The following ZNF385D variants were observed in gnomAD, a reference collection of about 807,000 sequenced individuals.
The protein encoded by ZNF385D is zinc finger protein 385D.
ZNF385D carries 15 observed loss-of-function variants against 35.8 expected under a neutral mutation model. The ratio of observed to expected loss-of-function variants is 0.42; its 90% CI spans 0.28 to 0.64. ZNF385D has a LOEUF of 0.64. Among genes scored for constraint, ZNF385D ranks in the 30% least tolerant of loss-of-function variants. The pLI, the probability that ZNF385D is intolerant of heterozygous loss-of-function variation, is 0.23. For synonymous variants in ZNF385D, 212 were observed against 186.8 expected (o/e 1.13, Z -1.10); for missense variants, 474 against 494.6 (o/e 0.96, Z 0.39).
intron 3 of ZNF385D, among the ~76,000 whole-genome samples, chr3:21,846,962 G>C (rs1276140387): frequency 6.6e-6 from 1 of 151,988 alleles, no homozygotes; most frequent in Non-Finnish European, 1.5e-5. Context: ...GGCATAAAAA[G>C]GTCATGTAAC....
intron 2 of ZNF385D, among the ~76,000 whole-genome samples, chr3:22,251,315 A>G (rs140119917): frequency 9.1e-4 from 139 of 152,264 alleles, no homozygotes; most frequent in African/African-American, 3.2e-3. Context: ...TTTAAGTTCT[A>G]TAAGAGGCGT....
intron 3 of ZNF385D, among the ~76,000 whole-genome samples, chr3:21,521,516 G>T (rs1278529757): frequency 3.3e-5 from 5 of 152,164 alleles, no homozygotes; most frequent in Admixed American, 3.3e-4. Context: ...ACTTTGGGAG[G>T]CCACAGTGGT....
intron 3 of ZNF385D, among the ~76,000 whole-genome samples, chr3:21,923,082 A>G (rs12489286): frequency 0.53 from 81,179 of 151,930 alleles, 23,768 homozygotes; most frequent in South Asian, 0.66. Flanking sequence ...TGTGCACAAC[A>G]TGCAGGTTTG....
At chr3:22,016,863 C>T (rs950194263) in intron 3 of ZNF385D, among the ~76,000 whole-genome samples, 2 of 151,834 alleles carry the variant, frequency 1.3e-5, no homozygotes, top group Non-Finnish European at 2.9e-5. Flanking sequence ...AATTGTAAAA[C>T]GCTAAGATCT....
intron 3 of ZNF385D, among the ~76,000 whole-genome samples, chr3:21,871,609 CTTCTA>C (rs1022531770): frequency 2.0e-5 from 3 of 152,148 alleles, no homozygotes; most frequent in Non-Finnish European, 2.9e-5. Flanking sequence ...ATGGTTACAC[CTTCTA>C]TTCTATCTAT....
At chr3:22,138,754 T>C (rs1476615795) in intron 3 of ZNF385D, among the ~76,000 whole-genome samples, 3 of 152,036 alleles carry the variant, frequency 2.0e-5, no homozygotes, top group Non-Finnish European at 2.9e-5. Flanking sequence ...GACATAGGCA[T>C]GGGCAAGGAC....
At chr3:22,332,471 G>A (rs1262197342) in intron 2 of ZNF385D, among the ~76,000 whole-genome samples, 3 of 152,098 alleles carry the variant, frequency 2.0e-5, no homozygotes, top group African/African-American at 4.8e-5. Context: ...AAGAAGGCAT[G>A]GTGGTTATGA....
At chr3:22,001,441 T>C (rs1294481585) in intron 3 of ZNF385D, among the ~76,000 whole-genome samples, 2 of 152,064 alleles carry the variant, frequency 1.3e-5, no homozygotes, top group African/African-American at 4.8e-5. Flanking sequence ...GATATAACAA[T>C]TGTAAATATG....
intron 1 of ZNF385D, among the ~76,000 whole-genome samples, chr3:21,703,839 G>A (rs550995442): frequency 6.6e-6 from 1 of 152,182 alleles, no homozygotes; most frequent in African/African-American, 2.4e-5. Context: ...CCTAGCAATA[G>A]CTGCTACTCC....
chr3:21,791,044 T>C (rs550505670), intron 3 of ZNF385D, among the ~76,000 whole-genome samples: 3 of 152,340 alleles, frequency 2.0e-5, no homozygotes, highest in African/African-American at 7.2e-5. Context: ...CATTTCAGAA[T>C]AACAAGCAAC....
chr3:22,079,090 G>T (rs1295410309), intron 3 of ZNF385D, among the ~76,000 whole-genome samples: 1 of 152,026 alleles, frequency 6.6e-6, no homozygotes, highest in Admixed American at 6.6e-5. Flanking sequence ...AATGTGAACA[G>T]AAGTGTGGAT....
At chr3:22,186,069 A>G (rs1016120626) in intron 2 of ZNF385D, among the ~76,000 whole-genome samples, 1 of 152,020 alleles carries the variant, frequency 6.6e-6, no homozygotes, top group Non-Finnish European at 1.5e-5. Context: ...ACACTCACAC[A>G]CTCTTAAATA....
At chr3:22,357,888 T>C (rs1696229182) in intron 2 of ZNF385D, among the ~76,000 whole-genome samples, 1 of 151,910 alleles carries the variant, frequency 6.6e-6, no homozygotes, top group African/African-American at 2.4e-5. Flanking sequence ...TTGCAATTCT[T>C]CCAGGTGATC....
chr3:22,134,857 T>G (rs1250797544), intron 3 of ZNF385D, among the ~76,000 whole-genome samples: 1 of 152,150 alleles, frequency 6.6e-6, no homozygotes, highest in Non-Finnish European at 1.5e-5. Context: ...TACCCACTCT[T>G]GGCCATAATC....
intron 2 of ZNF385D, among the ~76,000 whole-genome samples, chr3:22,253,721 G>A (rs1700173942): frequency 1.3e-5 from 2 of 151,730 alleles, no homozygotes; most frequent in African/African-American, 4.8e-5. Flanking sequence ...GATTAGATAA[G>A]AATAACTTAG....
chr3:22,353,320 C>T (rs1443315710), intron 2 of ZNF385D, among the ~76,000 whole-genome samples: 2 of 152,194 alleles, frequency 1.3e-5, no homozygotes, highest in African/African-American at 4.8e-5. Context: ...TTGAATTCCA[C>T]CATGTCTCCT....
At chr3:22,071,932 A>C (rs943917621) in intron 3 of ZNF385D, among the ~76,000 whole-genome samples, 2 of 152,094 alleles carry the variant, frequency 1.3e-5, no homozygotes, top group Non-Finnish European at 2.9e-5. Flanking sequence ...ATGGTCTTGC[A>C]AGGTCTGGTA....
chr3:22,107,801 G>A (rs569785701), intron 3 of ZNF385D, among the ~76,000 whole-genome samples: 1 of 151,882 alleles, frequency 6.6e-6, no homozygotes, highest in Non-Finnish European at 1.5e-5. Flanking sequence ...GGTATTAATA[G>A]TGCTTGTTTA....
At chr3:21,955,557 C>T (rs1702245171) in intron 3 of ZNF385D, among the ~76,000 whole-genome samples, 2 of 152,112 alleles carry the variant, frequency 1.3e-5, no homozygotes, top group South Asian at 2.1e-4. Context: ...TCTGTTAAAA[C>T]TGAAGCCTGG....
Sources: gnomAD v4.1 joint callset for allele counts (sites outside exome capture counted in the v4.1 genomes callset) on GRCh38, gnomAD v4.1.1 for gene constraint, MANE v1.5 for transcripts, NCBI Gene and HGNC (gene_info 2026-07-23, HGNC 2026-07-21) for gene names.